The following KPNA6 variants were observed in gnomAD, a reference collection of about 807,000 sequenced individuals.
The protein encoded by KPNA6 is karyopherin subunit alpha 6.
A neutral mutation model predicts 72.0 loss-of-function variants in KPNA6; 9 were observed. That is an observed-to-expected ratio of 0.13 (90% CI 0.08 to 0.22). The LOEUF is 0.22. Ranked by LOEUF, KPNA6 falls within the 10% of genes least tolerant of loss-of-function variation. The pLI is 1.00. For synonymous variants in KPNA6, 219 were observed against 242.1 expected, an observed-to-expected ratio of 0.90 and a Z score of 0.89; for missense variants, 374 against 655.7, an observed-to-expected ratio of 0.57 and a Z score of 4.69.
rs1340553210 is a variant in KPNA6 at position 32,174,324 on chromosome 1, G to T, written c.*3430G>T. 1 of 152,198 alleles carries T rather than the reference G, an allele frequency of 6.6e-6. No homozygotes were observed. Among genetic ancestry groups the T allele is most frequent in the Non-Finnish European group, 1.5e-5 (1 of 68,054 alleles). 9.4% of individuals were successfully genotyped at this position (152,198 alleles called of 1,614,324 possible). On this transcript the variant is annotated 3_prime_UTR_variant, in exon 14 of 14. Coordinates refer to ENST00000373625, the MANE Select transcript of KPNA6 (RefSeq NM_012316.5). Reference sequence around the variant, plus strand: ...AACTGCACAGATTATAGCTGCTATTGTACTTAAATAAGGGAGAGGAAAAGA... The same window carrying T: ...AACTGCACAGATTATAGCTGCTATTTTACTTAAATAAGGGAGAGGAAAAGA...
At chr1:32,160,766 G>C in intron 7 of KPNA6, 63 bp downstream of exon 7, 1 of 1,138,028 alleles carries the variant, frequency 8.8e-7, no homozygotes, top group South Asian at 1.2e-5. Context: ...AGGTCATTTG[G>C]GGGCAGCATA....
intron 1 of KPNA6, among the ~76,000 whole-genome samples, chr1:32,131,067 A>G (rs566726455): frequency 6.7e-6 from 1 of 148,552 alleles, no homozygotes; most frequent in African/African-American, 2.5e-5. Flanking sequence ...GCCAAGGCGG[A>G]TGGATCACCT....
At chr1:32,164,967 G>A (rs1395160518) in intron 10 of KPNA6, among the ~76,000 whole-genome samples, 4 of 151,812 alleles carry the variant, frequency 2.6e-5, no homozygotes, top group Non-Finnish European at 1.5e-5. Context: ...ATGCCATCTC[G>A]GCTCACTGCA....
At chr1:32,144,926 G>A (rs557885837) in intron 1 of KPNA6, among the ~76,000 whole-genome samples, 3 of 150,814 alleles carry the variant, frequency 2.0e-5, no homozygotes, top group South Asian at 2.1e-4. Flanking sequence ...AATTACAGGC[G>A]TAAGCCACCG....
intron 1 of KPNA6, among the ~76,000 whole-genome samples, chr1:32,129,985 T>C (rs917561715): frequency 3.9e-5 from 6 of 152,120 alleles, no homozygotes; most frequent in Non-Finnish European, 7.3e-5. Flanking sequence ...TGGTTTAATC[T>C]CTCCCACTTA....
chr1:32,116,329 G>T (rs1641328149), intron 1 of KPNA6, among the ~76,000 whole-genome samples: 1 of 150,482 alleles, frequency 6.6e-6, no homozygotes, highest in Non-Finnish European at 1.5e-5. Flanking sequence ...TTAAACATTT[G>T]TGTGTTCACT....
At chr1:32,170,127 G>A (rs906974290) in intron 13 of KPNA6, 67 bp downstream of exon 13, 1 of 1,422,278 alleles carries the variant, frequency 7.0e-7, no homozygotes, top group Admixed American at 1.9e-5. Flanking sequence ...GTATACATAT[G>A]TTGGTGGTGG....
intron 1 of KPNA6, among the ~76,000 whole-genome samples, chr1:32,128,822 G>T (rs768825124): frequency 4.6e-5 from 7 of 152,026 alleles, no homozygotes; most frequent in Non-Finnish European, 7.4e-5. Context: ...CAGGAATTTT[G>T]AAAAGCCATC....
chr1:32,150,918 C>T (rs767523079), intron 1 of KPNA6, among the ~76,000 whole-genome samples: 3 of 152,046 alleles, frequency 2.0e-5, no homozygotes, highest in Admixed American at 2.0e-4. Context: ...AGCCACCACG[C>T]CCCGGCTGTT....
At chr1:32,144,838 T>A (rs538482109) in intron 1 of KPNA6, among the ~76,000 whole-genome samples, 2 of 151,952 alleles carry the variant, frequency 1.3e-5, no homozygotes, top group African/African-American at 4.8e-5. Context: ...TTAGTAGAGA[T>A]GGGATTTCTC....
At chr1:32,168,668 G>T (rs1443338250) in intron 12 of KPNA6, among the ~76,000 whole-genome samples, 2 of 152,164 alleles carry the variant, frequency 1.3e-5, no homozygotes, top group African/African-American at 4.8e-5. Flanking sequence ...ATTGTAAAAG[G>T]CCTCTTAGAC....
At chr1:32,120,031 C>A (rs1040551651) in intron 1 of KPNA6, among the ~76,000 whole-genome samples, 1 of 151,528 alleles carries the variant, frequency 6.6e-6, no homozygotes, top group African/African-American at 2.4e-5. Flanking sequence ...CCACCACGCC[C>A]GGCCTGGATT....
At chr1:32,115,541 G>C (rs146838371) in intron 1 of KPNA6, among the ~76,000 whole-genome samples, 8 of 151,014 alleles carry the variant, frequency 5.3e-5, no homozygotes, top group Middle Eastern at 3.5e-3. Context: ...ATCCCCCCAC[G>C]TCAGCCTTCT....
chr1:32,168,821 G>T (rs1642383931), intron 12 of KPNA6, among the ~76,000 whole-genome samples: 1 of 152,206 alleles, frequency 6.6e-6, no homozygotes, highest in South Asian at 2.1e-4. Flanking sequence ...CATCCAGGCT[G>T]GGCTGGGCTT....
chr1:32,145,161 G>A (rs185745930), intron 1 of KPNA6, among the ~76,000 whole-genome samples: 1 of 150,750 alleles, frequency 6.6e-6, no homozygotes, highest in Non-Finnish European at 1.5e-5. Context: ...GGGTTTCACT[G>A]GGTTAGCCAG....
rs1307194847 is a variant in KPNA6 at position 32,171,560 on chromosome 1, C to G, written c.*666C>G. Reference sequence around the variant, plus strand: ...TGCCTGCATTGCCTGGGACTAGAGGCTGGGGAGGCTACCATGAAACAAAGG... The same window carrying G: ...TGCCTGCATTGCCTGGGACTAGAGGGTGGGGAGGCTACCATGAAACAAAGG... On this transcript the variant is annotated 3_prime_UTR_variant, in exon 14 of 14. Coordinates refer to ENST00000373625, the MANE Select transcript of KPNA6 (RefSeq NM_012316.5). The G allele has an allele frequency of 6.6e-6, 1 of 152,126 alleles. No individual in the cohort carries two copies. Among genetic ancestry groups the G allele is most frequent in the Non-Finnish European group, 1.5e-5 (1 of 68,038 alleles). 9.4% of individuals were successfully genotyped at this position (152,126 alleles called of 1,614,324 possible). A position where few individuals can be genotyped will look rare whatever the true frequency, so the allele number is the denominator to read the frequency against.
At chr1:32,147,751 C>T (rs1641956710) in intron 1 of KPNA6, among the ~76,000 whole-genome samples, 1 of 149,050 alleles carries the variant, frequency 6.7e-6, no homozygotes, top group Admixed American at 6.8e-5. Flanking sequence ...CTTCAACCTC[C>T]TGGGCTCTGG....
At chr1:32,130,382 C>T (rs1241602400) in intron 1 of KPNA6, among the ~76,000 whole-genome samples, 1 of 151,854 alleles carries the variant, frequency 6.6e-6, no homozygotes, top group African/African-American at 2.4e-5. Context: ...TTACAGAGGT[C>T]CTCTCCCAGC....
intron 1 of KPNA6, among the ~76,000 whole-genome samples, chr1:32,123,815 C>T (rs1641481667): frequency 6.7e-6 from 1 of 149,748 alleles, no homozygotes; most frequent in Non-Finnish European, 1.5e-5. Flanking sequence ...GCAGGTGGAT[C>T]ATGCGGTCAA....
Sources: allele counts gnomAD v4.1 joint callset (sites outside exome capture counted in the v4.1 genomes callset), GRCh38; gene constraint gnomAD v4.1.1; transcripts MANE v1.5; gene names NCBI Gene and HGNC (gene_info 2026-07-23, HGNC 2026-07-21).